The following DTNBP1 variants were observed in gnomAD, a reference collection of about 807,000 sequenced individuals.
DTNBP1 encodes the protein dysbindin.
In DTNBP1, 35 loss-of-function variants were observed where a neutral mutation model predicts 42.8. The observed-to-expected ratio is 0.82, with a 90% CI of 0.63 to 1.09. The LOEUF is 1.09. Among genes scored for constraint, DTNBP1 ranks in the 50% least tolerant of loss-of-function variants. DTNBP1 has a pLI of 0.00. For missense variants in DTNBP1, 457 were observed against 424.2 expected, an observed-to-expected ratio of 1.08 and a Z score of -0.68; for synonymous variants, 171 against 162.2, an observed-to-expected ratio of 1.05 and a Z score of -0.41.
chr6:15,662,155 C>A (rs1761673447), intron 1 of DTNBP1, among the ~76,000 whole-genome samples: 2 of 152,280 alleles, frequency 1.3e-5, no homozygotes, highest in Admixed American at 1.3e-4. Flanking sequence ...AGTTTGGGAA[C>A]CGCTGGGTAT....
intron 6 of DTNBP1, among the ~76,000 whole-genome samples, chr6:15,614,468 C>A (rs1758605994): frequency 6.6e-6 from 1 of 152,136 alleles, no homozygotes; most frequent in Admixed American, 6.5e-5. Flanking sequence ...AAGCCCGCCT[C>A]CAGCTTCAGT....
chr6:15,532,487 T>C (rs943069090), intron 8 of DTNBP1, among the ~76,000 whole-genome samples: 1 of 151,612 alleles, frequency 6.6e-6, no homozygotes, highest in Non-Finnish European at 1.5e-5. Flanking sequence ...AAGAGCCCTA[T>C]GTAACATGAA....
In DTNBP1 at chr6:15,522,835, T is replaced by C. The variant is rs1771988231; in HGVS notation, c.*140A>G. 1.4e-6 allele frequency: 2 copies of C among 1,441,416 alleles called. No homozygotes were observed. The highest frequency in any genetic ancestry group is 1.7e-5 in the Admixed American group (1 of 58,178). 89.3% of individuals were successfully genotyped at this position (1,441,416 alleles called of 1,614,324 possible). A position where few individuals can be genotyped will look rare whatever the true frequency, so the allele number is the denominator to read the frequency against. ...ACCGTCCTCACACTTTATTGTTAGC[T>C]GTTCTTTAAGTTTCTCACACATTAT... On this transcript the variant is annotated 3_prime_UTR_variant, in exon 10 of 10. Coordinates refer to ENST00000344537, the MANE Select transcript of DTNBP1 (RefSeq NM_032122.5).
At chr6:15,525,580 C>A (rs1183289841) in intron 8 of DTNBP1, among the ~76,000 whole-genome samples, 2 of 152,094 alleles carry the variant, frequency 1.3e-5, no homozygotes, top group African/African-American at 4.8e-5. Context: ...AAGGTGAAGT[C>A]AAAAACAAGG....
intron 7 of DTNBP1, among the ~76,000 whole-genome samples, chr6:15,551,796 A>T (rs1774226282): frequency 6.6e-6 from 1 of 152,218 alleles, no homozygotes; most frequent in Non-Finnish European, 1.5e-5. Flanking sequence ...AGGTACTGGT[A>T]GCAATCACTA....
chr6:15,653,127 C>T (rs1761104704), intron 1 of DTNBP1, among the ~76,000 whole-genome samples: 1 of 152,270 alleles, frequency 6.6e-6, no homozygotes, highest in Middle Eastern at 3.4e-3. Flanking sequence ...CTTTAAGCAT[C>T]CACAGTATTT....
At chr6:15,633,458 G>A (rs1040869573) in intron 4 of DTNBP1, among the ~76,000 whole-genome samples, 1 of 152,156 alleles carries the variant, frequency 6.6e-6, no homozygotes, top group South Asian at 2.1e-4. Context: ...AACCCTCATG[G>A]ATGGCTTTGA....
chr6:15,625,462 C>T (rs754625379), intron 5 of DTNBP1, among the ~76,000 whole-genome samples: 2 of 152,168 alleles, frequency 1.3e-5, no homozygotes, highest in African/African-American at 4.8e-5. Context: ...TTCAAGTGAA[C>T]ATTTGGAAGG....
In DTNBP1 at chr6:15,609,386, C is replaced by T. The variant is rs558551731; in HGVS notation, c.488+5881G>A. On this transcript the variant is annotated intron_variant, in intron 6 of 9. Transcript: ENST00000344537. ...CCAGGCTGGAGTGCAGTGGTGCAAT[C>T]TCGGCTCACTGCAACCTCCGCCTCC... Among the ~76,000 whole-genome samples the T allele has an allele frequency of 2.0e-5, 3 of 151,900 alleles. No homozygotes were observed. In the South Asian group the frequency reaches 6.2e-4, roughly 32 times the overall value.
chr6:15,558,192 C>T (rs1366189620), intron 7 of DTNBP1, among the ~76,000 whole-genome samples: 5 of 151,670 alleles, frequency 3.3e-5, no homozygotes, highest in Admixed American at 3.3e-4. Context: ...TGCCCAAAGA[C>T]ATTTTGTCAT....
intron 1 of DTNBP1, among the ~76,000 whole-genome samples, chr6:15,656,571 G>A (rs973125915): frequency 3.3e-5 from 5 of 152,056 alleles, no homozygotes; most frequent in African/African-American, 9.7e-5. Context: ...GCAACATGGC[G>A]AAACCCTGTC....
intron 7 of DTNBP1, among the ~76,000 whole-genome samples, chr6:15,539,861 T>C (rs537092280): frequency 6.6e-5 from 10 of 152,320 alleles, no homozygotes; most frequent in African/African-American, 2.4e-4. Flanking sequence ...TCTCAGACTC[T>C]TTTTCCACAT....
intron 7 of DTNBP1, among the ~76,000 whole-genome samples, chr6:15,592,216 G>A (rs1776328079): frequency 1.3e-5 from 2 of 152,118 alleles, no homozygotes; most frequent in South Asian, 4.1e-4. Flanking sequence ...TAACCATTCG[G>A]TAAATCTAAA....
At chr6:15,571,596 G>A (rs1775342155) in intron 7 of DTNBP1, among the ~76,000 whole-genome samples, 1 of 152,222 alleles carries the variant, frequency 6.6e-6, no homozygotes, top group African/African-American at 2.4e-5. Context: ...TTACTGACAA[G>A]TGACTGAAGG....
intron 1 of DTNBP1, among the ~76,000 whole-genome samples, 197 bp from the exon 2 acceptor site, chr6:15,652,337 G>A (rs1045662847): frequency 4.0e-5 from 6 of 151,764 alleles, no homozygotes; most frequent in African/African-American, 1.5e-4. Flanking sequence ...CCGCCACCAC[G>A]CCTGGGTAAT....
intron 8 of DTNBP1, among the ~76,000 whole-genome samples, chr6:15,532,321 ACTTCT>A (rs1772900662): frequency 1.3e-5 from 2 of 152,240 alleles, no homozygotes; most frequent in South Asian, 4.1e-4. Context: ...CGGTGTCTGG[ACTTCT>A]AATCAGCTTG....
In DTNBP1 at chr6:15,564,036, C is replaced by T. The variant is rs140958151; in HGVS notation, c.511+29023G>A. Among the ~76,000 whole-genome samples, 975 of 150,150 alleles carry T rather than the reference C, an allele frequency of 6.5e-3. 12 individuals are homozygous for T. Among genetic ancestry groups the T allele is most frequent in the African/African-American group, 0.023 (932 of 40,702 alleles). ...TTGCAGTAAGCTGAGGTCATGCCAC[C>T]GTACTCCAGCCTGGGCAACTTGGTC... On this transcript the variant is annotated intron_variant, in intron 7 of 9. Coordinates refer to ENST00000344537, the MANE Select transcript of DTNBP1 (RefSeq NM_032122.5).
intron 8 of DTNBP1, among the ~76,000 whole-genome samples, chr6:15,527,310 C>G (rs1214331776): frequency 6.6e-6 from 1 of 152,176 alleles, no homozygotes; most frequent in Admixed American, 6.5e-5. Context: ...TGACTGACAT[C>G]AGCAGTCCCA....
chr6:15,627,872 T>C (rs1051389303), intron 4 of DTNBP1, among the ~76,000 whole-genome samples: 1 of 152,008 alleles, frequency 6.6e-6, no homozygotes, highest in Non-Finnish European at 1.5e-5. Flanking sequence ...GGGTAATTAT[T>C]GGCTTTACGA....
Sources: gnomAD v4.1 joint callset for allele counts (sites outside exome capture counted in the v4.1 genomes callset) on GRCh38, gnomAD v4.1.1 for gene constraint, MANE v1.5 for transcripts, NCBI Gene and HGNC (gene_info 2026-07-23, HGNC 2026-07-21) for gene names.